The following BTBD2 variants were observed in gnomAD, a reference collection of about 807,000 sequenced individuals.
BTBD2 encodes BTB domain containing 2.
In BTBD2, 15 loss-of-function variants were observed where a neutral mutation model predicts 44.0. The observed-to-expected ratio is 0.34, with a 90% CI of 0.23 to 0.53. BTBD2 has a LOEUF of 0.53. Among genes scored for constraint, BTBD2 ranks in the 20% least tolerant of loss-of-function variants. The pLI is 0.95. For missense variants in BTBD2, 657 were observed against 746.4 expected, an observed-to-expected ratio of 0.88 and a Z score of 1.39; for synonymous variants, 443 against 335.9, an observed-to-expected ratio of 1.32 and a Z score of -3.49.
rs764633914 is a variant in BTBD2, at chr19:1,987,718, A to C, written c.989-26T>G. 5 of 1,560,168 alleles carry C rather than the reference A, an allele frequency of 3.2e-6. No individual in the cohort carries two copies. The Admixed American group carries it at 9.0e-5, about 28-fold the overall frequency. ...CTGCAGCACAGGGAGGGTGTGGGGG[A>C]GGGCCGGGCTGCACCCCAGGATCCC... On this transcript the variant is annotated intron_variant, in intron 5 of 8. Transcript: ENST00000255608.
chr19:2,015,272 G>C (rs1442510500), intron 1 of BTBD2, 25 bp downstream of exon 1: 19 of 1,533,196 alleles, frequency 1.2e-5, no homozygotes, highest in Non-Finnish European at 1.6e-5. Flanking sequence ...GTCGGGGCCA[G>C]GGCTGGCGGG....
intron 5 of BTBD2, chr19:1,988,056 T>G: frequency 4.4e-6 from 1 of 229,324 alleles, no homozygotes; most frequent in Non-Finnish European, 8.6e-6. Flanking sequence ...TCAGGGCCAT[T>G]GGCTGGGAGG....
chr19:1,992,641 G>A (rs1303970769), intron 3 of BTBD2, among the ~76,000 whole-genome samples: 2 of 151,658 alleles, frequency 1.3e-5, no homozygotes, highest in East Asian at 3.9e-4. Context: ...GTGCGATCTC[G>A]GCTCACTGCA....
chr19:1,992,832 A>G (rs1599350410), intron 3 of BTBD2, among the ~76,000 whole-genome samples, 188 bp downstream of exon 3: 1 of 152,264 alleles, frequency 6.6e-6, no homozygotes, highest in East Asian at 1.9e-4. Flanking sequence ...TCGGCCTCCC[A>G]AAGTGCCGGG....
intron 1 of BTBD2, among the ~76,000 whole-genome samples, chr19:1,999,826 G>A (rs369039300): frequency 6.6e-6 from 1 of 152,002 alleles, no homozygotes; most frequent in Non-Finnish European, 1.5e-5. Context: ...GCTGGGCGTG[G>A]TGGTGGGTGC....
intron 1 of BTBD2, among the ~76,000 whole-genome samples, chr19:2,008,804 C>T (rs547870366): frequency 2.0e-5 from 3 of 151,964 alleles, no homozygotes; most frequent in African/African-American, 7.2e-5. Flanking sequence ...CTCCTGGGGT[C>T]AAGTGATCCT....
chr19:1,986,500 G>C lies in BTBD2; in HGVS notation c.1566C>G (p.Ile522Met), dbSNP rs2016084334. 1 of 1,613,768 alleles carries C rather than the reference G, an allele frequency of 6.2e-7. No individual in the cohort carries two copies. The highest frequency in any genetic ancestry group is 1.3e-5 in the African/African-American group (1 of 74,944). The change falls in exon 9 of 9, where the codon ATC (isoleucine) becomes ATG (methionine). Residue 522 changes from isoleucine (I) to methionine (M), a missense_variant. Around this residue, in one of 3 missense-constraint regions of BTBD2, gnomAD observed 449 missense variants for 510.9 expected, o/e 0.88. Transcript: ENST00000255608. ...SVEDGQIPEV[I>M]FYT ...GGTGTCGGGCAGCCTAGGTGTAGAAGATGACCTCGGGGATCTGGCCGTCCT... is the reference window on the plus strand; with the variant it reads ...GGTGTCGGGCAGCCTAGGTGTAGAACATGACCTCGGGGATCTGGCCGTCCT...
chr19:1,993,346 C>T (rs1431022408), intron 2 of BTBD2, among the ~76,000 whole-genome samples, 170 bp from the exon 3 acceptor site: 4 of 152,208 alleles, frequency 2.6e-5, no homozygotes, highest in African/African-American at 9.6e-5. Flanking sequence ...AGCCCCTGTC[C>T]GTTGCCCTCT....
At chr19:1,991,313 C>A (rs142606217) in intron 3 of BTBD2, 168 of 162,624 alleles carry the variant, frequency 1.0e-3, no homozygotes, top group African/African-American at 3.9e-3. Flanking sequence ...AGTCAGGTGA[C>A]AGAGCTGGAG....
At chr19:1,989,571 C>T (rs556818283) in intron 5 of BTBD2, 133 of 264,306 alleles carry the variant, frequency 5.0e-4, no homozygotes, top group African/African-American at 2.6e-3. Context: ...GCATCGTTAG[C>T]GCTGCCCCTT....
intron 2 of BTBD2, 35 bp downstream of exon 2, chr19:1,997,309 C>T: frequency 6.2e-7 from 1 of 1,613,390 alleles, no homozygotes; most frequent in Non-Finnish European, 8.5e-7. Flanking sequence ...CTCCCCAGGC[C>T]CAGCTCCCCA....
At chr19:2,010,189 G>C (rs2016446849) in intron 1 of BTBD2, among the ~76,000 whole-genome samples, 2 of 152,160 alleles carry the variant, frequency 1.3e-5, no homozygotes, top group Non-Finnish European at 2.9e-5. Context: ...CTAACTTCAT[G>C]GGACCAGCCA....
At chr19:2,005,779 C>A in intron 1 of BTBD2, among the ~76,000 whole-genome samples, 1 of 97,400 alleles carries the variant, frequency 1.0e-5, no homozygotes, top group African/African-American at 6.4e-5. Flanking sequence ...AAAACTCCGT[C>A]TCAAAAAAAA....
intron 1 of BTBD2, among the ~76,000 whole-genome samples, chr19:2,004,217 C>T (rs148578270): frequency 1.3e-5 from 2 of 152,150 alleles, no homozygotes; most frequent in South Asian, 2.1e-4. Context: ...CCCCACCCAC[C>T]CTGGGAACAT....
At chr19:2,005,709 G>A (rs2016386486) in intron 1 of BTBD2, among the ~76,000 whole-genome samples, 1 of 151,582 alleles carries the variant, frequency 6.6e-6, no homozygotes, top group African/African-American at 2.4e-5. Context: ...TTGAACCTGG[G>A]AGGCAGAGGT....
Position 1,986,961 on chromosome 19 carries a change from T to TATC in BTBD2, c.1282_1284dup (p.Asp428dup). ...TCGTTCTGGCCCAAGACGGTGTTGCTATCGGTGTGAATAATCTGCGGGGAG... is the reference window on the plus strand; with the variant it reads ...TCGTTCTGGCCCAAGACGGTGTTGCTATCATCGGTGTGAATAATCTGCGGGGAG... On this transcript the variant is annotated inframe_insertion, in exon 8 of 9. Transcript: ENST00000255608. The TATC allele has an allele frequency of 6.2e-7, 1 of 1,612,724 alleles. No homozygotes were observed. Among genetic ancestry groups the TATC allele is most frequent in the South Asian group, 1.1e-5 (1 of 91,008 alleles).
intron 1 of BTBD2, among the ~76,000 whole-genome samples, chr19:2,006,894 A>G (rs946754685): frequency 3.3e-5 from 5 of 151,412 alleles, no homozygotes; most frequent in African/African-American, 1.2e-4. Flanking sequence ...GTCTCACTCT[A>G]TCGCCCAGGC....
Position 1,985,670 on chromosome 19 carries a change from A to G in BTBD2, c.*818T>C, listed in dbSNP as rs1468552188. ...GCTAGGGCAACAGTATGTACAGGCG[A>G]GCAGTGCTCCTGGACCCGGTCGGGG... On this transcript the variant is annotated 3_prime_UTR_variant, in exon 9 of 9. Transcript: ENST00000255608. The G allele has an allele frequency of 6.6e-6, 1 of 152,290 alleles. No individual in the cohort carries two copies. The highest frequency in any genetic ancestry group is 1.5e-5 in the Non-Finnish European group (1 of 68,134). 9.4% of individuals were successfully genotyped at this position (152,290 alleles called of 1,614,324 possible). A position where few individuals can be genotyped will look rare whatever the true frequency, so the allele number is the denominator to read the frequency against.
At position 2,008,345 on chromosome 19, in the gene BTBD2, G is replaced by T. The variant is rs2016421042; in HGVS notation, c.407+6952C>A. 2.0e-5 allele frequency among the ~76,000 whole-genome samples: 3 copies of T among 147,166 alleles called. No homozygotes were observed. The South Asian group carries it at 6.4e-4, about 32-fold the overall frequency. ...GGTGGAGTCTCGCTGTGTTGCCCAA[G>T]CTGGAGCCCAGTCGTGCGATCTCAG... On this transcript the variant is annotated intron_variant, in intron 1 of 8. Coordinates refer to ENST00000255608, the MANE Select transcript of BTBD2 (RefSeq NM_017797.4).
Sources: allele counts gnomAD v4.1 joint callset (sites outside exome capture counted in the v4.1 genomes callset), GRCh38; gene constraint gnomAD v4.1.1; regional missense constraint gnomAD v4.1.1; transcripts MANE v1.5; gene names NCBI Gene and HGNC (gene_info 2026-07-23, HGNC 2026-07-21).